DHRSX: variants seen among roughly 807,000 people sequenced by gnomAD.
DHRSX encodes dehydrogenase/reductase X-linked, also known as polyprenol dehydrogenase.
DHRSX carries 31 observed loss-of-function variants against 34.0 expected under a neutral mutation model. The ratio of observed to expected loss-of-function variants is 0.91; its 90% CI spans 0.69 to 1.23. The LOEUF is 1.23. Ranked by LOEUF, DHRSX falls within the 50% of genes most tolerant of loss-of-function variation. The probability of loss-of-function intolerance (pLI) is 0.00; values close to 1 mark genes in which losing one functional copy is unlikely to be tolerated. For missense variants in DHRSX, 414 were observed against 428.1 expected (o/e 0.97, Z 0.29); for synonymous variants, 201 against 183.8 (o/e 1.09, Z -0.76).
chrX:2,285,709 C>G (rs1451428635), intron 4 of DHRSX, among the ~76,000 whole-genome samples: 2 of 152,186 alleles, frequency 1.3e-5, no homozygotes, highest in African/African-American at 2.4e-5. Flanking sequence ...CACTGGAGTC[C>G]TTCCCTGAGG....
intron 4 of DHRSX, among the ~76,000 whole-genome samples, chrX:2,275,837 A>T (rs73628272): frequency 0.69 from 102,728 of 149,218 alleles, 35,880 homozygotes; most frequent in African/African-American, 0.77. Context: ...GCCTTTTTTT[A>T]AAAATTTTAA....
rs2015500819 is a variant in DHRSX, at chrX:2,220,693, G to A, written c.*348C>T. The A allele has an allele frequency of 3.9e-6, 1 of 256,742 alleles. No individual in the cohort carries two copies. 15.9% of individuals were successfully genotyped at this position (256,742 alleles called of 1,614,324 possible). On this transcript the variant is annotated 3_prime_UTR_variant, in exon 7 of 7. Coordinates refer to ENST00000334651, the MANE Select transcript of DHRSX (RefSeq NM_145177.3). ...TCTCAGAGAGGACATTGCAGCCCCT[G>A]AAAAGAGAGCATCTCTCTTGGAACT...
intron 5 of DHRSX, among the ~76,000 whole-genome samples, chrX:2,247,255 T>C (rs1743189229): frequency 6.6e-6 from 1 of 151,982 alleles, no homozygotes; most frequent in Non-Finnish European, 1.5e-5. Context: ...GGCCCTGGTA[T>C]TGGTTTCTAA....
At chrX:2,256,747 G>T (rs2041285251) in intron 5 of DHRSX, among the ~76,000 whole-genome samples, 1 of 151,480 alleles carries the variant, frequency 6.6e-6, no homozygotes, top group African/African-American at 2.4e-5. Flanking sequence ...CTAATTACTG[G>T]CAATGATTAT....
intron 3 of DHRSX, among the ~76,000 whole-genome samples, chrX:2,393,121 T>C (rs1393297844): frequency 2.7e-5 from 4 of 147,720 alleles, no homozygotes; most frequent in African/African-American, 7.4e-5. Context: ...TAATAATACA[T>C]TATAATTTAA....
intron 5 of DHRSX, among the ~76,000 whole-genome samples, chrX:2,250,797 G>A (rs2016418407): frequency 6.6e-6 from 1 of 152,144 alleles, no homozygotes; most frequent in African/African-American, 2.4e-5. Flanking sequence ...TCAGCCTCAT[G>A]TTACGCAGCC....
At chrX:2,291,436 G>A (rs1367240113) in intron 4 of DHRSX, 66 bp downstream of exon 4, 8 of 1,258,702 alleles carry the variant, frequency 6.4e-6, no homozygotes, top group Non-Finnish European at 8.1e-6. Context: ...TCTCCCGCAT[G>A]AAAGCTAGAG....
intron 1 of DHRSX, among the ~76,000 whole-genome samples, chrX:2,457,932 C>G (rs1294514598): frequency 6.6e-6 from 1 of 151,394 alleles, no homozygotes; most frequent in East Asian, 2.0e-4. Flanking sequence ...CAAGGGACCG[C>G]CACCAAGTAC....
chrX:2,302,052 G>T (rs183708246), intron 3 of DHRSX, among the ~76,000 whole-genome samples: 1 of 152,230 alleles, frequency 6.6e-6, no homozygotes, highest in East Asian at 1.9e-4. Flanking sequence ...ACACACCTGA[G>T]GTTGAGACAC....
intron 2 of DHRSX, among the ~76,000 whole-genome samples, chrX:2,409,591 TC>T (rs2043601030): frequency 6.6e-6 from 1 of 152,184 alleles, no homozygotes; most frequent in East Asian, 1.9e-4. Flanking sequence ...TCACTGCACT[TC>T]CGTAAAACTC....
At chrX:2,250,367 A>G (rs2016409077) in intron 5 of DHRSX, among the ~76,000 whole-genome samples, 2 of 151,988 alleles carry the variant, frequency 1.3e-5, no homozygotes, top group Admixed American at 6.6e-5. Context: ...CAAGTTTATT[A>G]TGAAAGTAGA....
Position 2,413,183 on chromosome X carries a change from G to C in DHRSX, c.218-4370C>G, listed in dbSNP as rs1393925358. Among the ~76,000 whole-genome samples the C allele has an allele frequency of 5.3e-5, 8 of 152,144 alleles. No individual in the cohort carries two copies. In the East Asian group the frequency reaches 1.5e-3, roughly 29 times the overall value. ...GCACTCCAGCCTGGTGACAGAGTGA[G>C]ACTCCATCTCAAAAAAAAGAAAGAA... On this transcript the variant is annotated intron_variant, in intron 2 of 6. Transcript: ENST00000334651.
At chrX:2,490,507 G>A (rs147410965) in intron 1 of DHRSX, 1 of 1,613,882 alleles carries the variant, frequency 6.2e-7, no homozygotes, top group African/African-American at 1.3e-5. Context: ...ATTCCTCGGG[G>A]TGGTTCTTCT....
chrX:2,378,246 T>C (rs759402737), intron 3 of DHRSX, among the ~76,000 whole-genome samples: 4 of 152,338 alleles, frequency 2.6e-5, no homozygotes, highest in Non-Finnish European at 5.9e-5. Context: ...GGACTTCTGG[T>C]GTTCAGAGCT....
intron 6 of DHRSX, among the ~76,000 whole-genome samples, chrX:2,236,386 G>A (rs1396187815): frequency 6.6e-6 from 1 of 152,150 alleles, no homozygotes; most frequent in African/African-American, 2.4e-5. Flanking sequence ...GCACATTGCA[G>A]GGAAAGGGTG....
At chrX:2,408,931 G>T in intron 2 of DHRSX, 118 bp from the exon 3 acceptor site, 1 of 870,578 alleles carries the variant, frequency 1.1e-6, no homozygotes, top group Non-Finnish European at 1.8e-6. Context: ...ATGTGCCTTT[G>T]ATGGACTTTC....
intron 3 of DHRSX, among the ~76,000 whole-genome samples, chrX:2,406,287 G>A (rs1192683535): frequency 2.0e-5 from 3 of 151,784 alleles, no homozygotes; most frequent in African/African-American, 4.8e-5. Context: ...GTGAGACTCC[G>A]TCTCAAAAAG....
chrX:2,489,204 C>T, intron 1 of DHRSX: 1 of 1,613,828 alleles, frequency 6.2e-7, no homozygotes, highest in South Asian at 1.1e-5. Flanking sequence ...TTGACCTTGT[C>T]CAGCAGGCCC....
intron 1 of DHRSX, among the ~76,000 whole-genome samples, chrX:2,452,882 A>G (rs1007924951): frequency 2.6e-5 from 4 of 152,218 alleles, no homozygotes; most frequent in Non-Finnish European, 5.9e-5. Context: ...GGATCTAGTC[A>G]TCCCACCACT....
Sources: allele counts gnomAD v4.1 joint callset (sites outside exome capture counted in the v4.1 genomes callset), GRCh38; gene constraint gnomAD v4.1.1; transcripts MANE v1.5; gene names NCBI Gene and HGNC (gene_info 2026-07-23, HGNC 2026-07-21).